The following GABRB1 variants were observed in gnomAD, a reference collection of about 807,000 sequenced individuals.
The protein encoded by GABRB1 is gamma-aminobutyric acid type A receptor subunit beta1, also known as gamma-aminobutyric acid receptor subunit beta-1.
Under a neutral mutation model 51.6 loss-of-function variants are expected in GABRB1, and 17 were observed. The observed-to-expected ratio is 0.33, with a 90% CI of 0.23 to 0.49. The LOEUF is 0.49. Ranked by LOEUF, GABRB1 falls within the 20% of genes least tolerant of loss-of-function variation. GABRB1 has a pLI of 0.99. For synonymous variants in GABRB1, 247 were observed against 218.9 expected (o/e 1.13, Z -1.14); for missense variants, 410 against 600.6 (o/e 0.68, Z 3.32).
chr4:47,092,434 A>T (rs1560530385), intron 3 of GABRB1, among the ~76,000 whole-genome samples: 3 of 151,548 alleles, frequency 2.0e-5, no homozygotes. Context: ...CAGACTCCCA[A>T]AGTGCTGGGA....
In GABRB1 at chr4:47,090,111, T is replaced by G. The variant is rs146247283; in HGVS notation, c.240+57627T>G. Among the ~76,000 whole-genome samples, 1,381 of 152,344 alleles carry G rather than the reference T, an allele frequency of 9.1e-3. 9 individuals are homozygous for G. The highest frequency in any genetic ancestry group is 0.013 in the Non-Finnish European group (884 of 68,018). ...ACGTTTTTGTTGAATATAAAACAAC[T>G]ACTGTTATGATTAGGAAAGTTATTA... On this transcript the variant is annotated intron_variant, in intron 3 of 8. Coordinates refer to ENST00000295454, the MANE Select transcript of GABRB1 (RefSeq NM_000812.4).
chr4:47,361,564 A>C (rs1339324594), intron 5 of GABRB1, among the ~76,000 whole-genome samples: 2 of 152,166 alleles, frequency 1.3e-5, no homozygotes, highest in Non-Finnish European at 2.9e-5. Context: ...CCTGGCTGCC[A>C]CAATAGTGAA....
intron 3 of GABRB1, among the ~76,000 whole-genome samples, chr4:47,042,414 G>GTATATA (rs764850015): frequency 3.0e-4 from 14 of 47,016 alleles, no homozygotes; most frequent in Admixed American, 1.3e-3. Flanking sequence ...TATGTGTACA[G>GTATATA]TATATATATA....
intron 1 of GABRB1, among the ~76,000 whole-genome samples, chr4:47,006,396 A>G (rs1291335395): frequency 6.6e-6 from 1 of 152,180 alleles, no homozygotes; most frequent in Non-Finnish European, 1.5e-5. Context: ...AAAAATTAAA[A>G]ATGTTTTCAA....
Position 47,313,393 on chromosome 4 carries a change from G to A in GABRB1, c.462-6734G>A, listed in dbSNP as rs77403676. Among the ~76,000 whole-genome samples, 27 of 152,244 alleles carry A rather than the reference G, an allele frequency of 1.8e-4. No homozygotes were observed. The East Asian group carries it at 5.0e-3, about 28-fold the overall frequency. On this transcript the variant is annotated intron_variant, in intron 4 of 8. Coordinates refer to ENST00000295454, the MANE Select transcript of GABRB1 (RefSeq NM_000812.4). Reference sequence around the variant, plus strand: ...ATTCAATCTTTTCAATTTATAATCAGCCAGTTTCAGCCACAGTGTGAGTAC... The same window carrying A: ...ATTCAATCTTTTCAATTTATAATCAACCAGTTTCAGCCACAGTGTGAGTAC...
chr4:47,424,944 C>T (rs780253537), intron 8 of GABRB1, among the ~76,000 whole-genome samples: 3 of 152,070 alleles, frequency 2.0e-5, no homozygotes, highest in African/African-American at 7.2e-5. Flanking sequence ...GATAGCCAGG[C>T]GAATCCTTTG....
At chr4:47,371,808 G>C (rs920352608) in intron 5 of GABRB1, among the ~76,000 whole-genome samples, 1 of 151,218 alleles carries the variant, frequency 6.6e-6, no homozygotes, top group Non-Finnish European at 1.5e-5. Context: ...TTGTAAATTT[G>C]TTTAAGTTCC....
intron 5 of GABRB1, among the ~76,000 whole-genome samples, chr4:47,402,242 A>G (rs1357381026): frequency 6.6e-6 from 1 of 152,200 alleles, no homozygotes; most frequent in Non-Finnish European, 1.5e-5. Flanking sequence ...ATCATTTTTT[A>G]TCTCTTGAAA....
At chr4:47,315,874 G>A (rs535372062) in intron 4 of GABRB1, among the ~76,000 whole-genome samples, 1 of 151,768 alleles carries the variant, frequency 6.6e-6, no homozygotes, top group South Asian at 2.1e-4. Flanking sequence ...AACAGTCACT[G>A]AGGCATACTT....
At chr4:47,285,144 G>A (rs567864882) in intron 4 of GABRB1, among the ~76,000 whole-genome samples, 2 of 152,318 alleles carry the variant, frequency 1.3e-5, no homozygotes, top group South Asian at 4.1e-4. Flanking sequence ...AATGAATGAC[G>A]TAGAGCACAA....
intron 3 of GABRB1, chr4:47,032,930 CCAA>C: frequency 6.0e-5 from 19 of 315,500 alleles, no homozygotes; most frequent in Non-Finnish European, 1.0e-4. Context: ...CCCGGATGCA[CCAA>C]GGCCCTGCCA....
intron 3 of GABRB1, among the ~76,000 whole-genome samples, chr4:47,057,694 A>G (rs1011954203): frequency 1.1e-4 from 17 of 152,206 alleles, no homozygotes; most frequent in Admixed American, 7.9e-4. Context: ...TTTTCTCCTC[A>G]TCTCTTAGGA....
chr4:47,270,935 T>A (rs974768232), intron 4 of GABRB1, among the ~76,000 whole-genome samples: 8 of 152,232 alleles, frequency 5.3e-5, no homozygotes, highest in Admixed American at 2.0e-4. Context: ...ATAGCACTTT[T>A]AGTTTGTGCT....
rs73133917 is a variant in GABRB1, at chr4:47,275,468, G to A, written c.462-44659G>A. On this transcript the variant is annotated intron_variant, in intron 4 of 8. Transcript: ENST00000295454. ...AACCTCTCTGAGCCATGGCTTTCTCGATTGATAAAGTGGATGATAAGGATG... is the reference window on the plus strand; with the variant it reads ...AACCTCTCTGAGCCATGGCTTTCTCAATTGATAAAGTGGATGATAAGGATG... Among the ~76,000 whole-genome samples the A allele has an allele frequency of 6.2e-3, 940 of 152,196 alleles. 9 individuals are homozygous for A. The highest frequency in any genetic ancestry group is 0.022 in the African/African-American group (898 of 41,546).
intron 5 of GABRB1, among the ~76,000 whole-genome samples, chr4:47,332,232 C>T (rs1277292893): frequency 3.3e-5 from 5 of 152,102 alleles, no homozygotes; most frequent in Non-Finnish European, 7.4e-5. Flanking sequence ...GGTCAGAAAC[C>T]CTTTCTCTTC....
chr4:47,100,466 G>T (rs915936528), intron 3 of GABRB1, among the ~76,000 whole-genome samples: 1 of 151,928 alleles, frequency 6.6e-6, no homozygotes, highest in African/African-American at 2.4e-5. Flanking sequence ...CAAATGTTTT[G>T]ATTACTGTAT....
At chr4:47,133,960 T>G (rs1716530809) in intron 3 of GABRB1, among the ~76,000 whole-genome samples, 1 of 152,234 alleles carries the variant, frequency 6.6e-6, no homozygotes, top group Non-Finnish European at 1.5e-5. Context: ...ATTTTACATG[T>G]TAAGAAGTAG....
intron 5 of GABRB1, among the ~76,000 whole-genome samples, chr4:47,357,710 T>A (rs1173410472): frequency 6.6e-6 from 1 of 152,172 alleles, no homozygotes; most frequent in Admixed American, 6.5e-5. Context: ...ACAAGTAATG[T>A]TCAGAGAGCT....
At chr4:47,005,940 AT>A (rs1228229853) in intron 1 of GABRB1, among the ~76,000 whole-genome samples, 4 of 148,052 alleles carry the variant, frequency 2.7e-5, no homozygotes, top group Non-Finnish European at 6.0e-5. Context: ...TCCTGTACTT[AT>A]TTTTTTATTT....
Sources: gnomAD v4.1 joint callset for allele counts (sites outside exome capture counted in the v4.1 genomes callset) on GRCh38, gnomAD v4.1.1 for gene constraint, MANE v1.5 for transcripts, NCBI Gene and HGNC (gene_info 2026-07-23, HGNC 2026-07-21) for gene names.